The following KMO variants were observed in gnomAD, a reference collection of about 807,000 sequenced individuals.
KMO encodes the protein kynurenine 3-hydroxylase.
In KMO, 24 loss-of-function variants were observed where a neutral mutation model predicts 57.8. That is an observed-to-expected ratio of 0.42 (90% CI 0.30 to 0.58). KMO has a LOEUF of 0.58. Among genes scored for constraint, KMO ranks in the 20% least tolerant of loss-of-function variants. KMO has a pLI of 0.22. For synonymous variants in KMO, 210 were observed against 193.6 expected, an observed-to-expected ratio of 1.08 and a Z score of -0.70; for missense variants, 483 against 588.2, an observed-to-expected ratio of 0.82 and a Z score of 1.85.
chr1:241,535,500 T>C (rs2147936609), intron 1 of KMO, among the ~76,000 whole-genome samples: 1 of 152,320 alleles, frequency 6.6e-6, no homozygotes, highest in African/African-American at 2.4e-5. Context: ...TCTGATGTAG[T>C]GATCATCTGA....
chr1:241,588,160 T>C (rs79539255), intron 11 of KMO, among the ~76,000 whole-genome samples: 3 of 152,106 alleles, frequency 2.0e-5, no homozygotes, highest in African/African-American at 7.2e-5. Flanking sequence ...AACTTCAGAG[T>C]TGTGAACACT....
intron 11 of KMO, 148 bp from the exon 12 acceptor site, chr1:241,588,597 GTCA>G (rs34879227): frequency 0.16 from 92,179 of 577,092 alleles, 7,999 homozygotes; most frequent in East Asian, 0.22. Context: ...ATTGTCAATA[GTCA>G]TAGATTGTTG....
At chr1:241,548,702 G>T in intron 1 of KMO, 127 bp from the exon 2 acceptor site, 1 of 515,306 alleles carries the variant, frequency 1.9e-6, no homozygotes, top group Non-Finnish European at 3.4e-6. Context: ...AAATGAGGCT[G>T]GTAAAATATG....
At chr1:241,548,188 T>A (rs1661224110) in intron 1 of KMO, among the ~76,000 whole-genome samples, 1 of 152,014 alleles carries the variant, frequency 6.6e-6, no homozygotes, top group East Asian at 1.9e-4. Flanking sequence ...TCTAGCACTT[T>A]GAGAGGCCAA....
chr1:241,588,914 C>T (rs1663133803), intron 12 of KMO, 84 bp downstream of exon 12: 2 of 976,328 alleles, frequency 2.0e-6, no homozygotes, highest in Non-Finnish European at 1.6e-6. Context: ...TTGCTTCAGC[C>T]CCCATCTCAT....
At chr1:241,562,918 A>G (rs10616980) in intron 7 of KMO, among the ~76,000 whole-genome samples, 341 of 25,206 alleles carry the variant, frequency 0.014, 24 homozygotes, top group South Asian at 0.02. Context: ...AAGGAAGGAA[A>G]GAAGGAAGGA....
rs1214005389 is a variant in KMO, at chr1:241,592,393, A to C, written c.*240A>C. 1 of 509,882 alleles carries C rather than the reference A, an allele frequency of 2.0e-6. No homozygotes were observed. The highest frequency in any genetic ancestry group is 3.5e-6 in the Non-Finnish European group (1 of 282,522). The allele number at this position is 509,882 out of a possible 1,614,324, so 31.6% of individuals were successfully genotyped here. A position where few individuals can be genotyped will look rare whatever the true frequency, so the allele number is the denominator to read the frequency against. On this transcript the variant is annotated 3_prime_UTR_variant, in exon 15 of 15. Coordinates refer to ENST00000366559, the MANE Select transcript of KMO (RefSeq NM_003679.5). ...ACTCAGGTTGAGTCATTCTAACTATAAAAGTGCAATGACTAAGATCCTTCA... is the reference window on the plus strand; with the variant it reads ...ACTCAGGTTGAGTCATTCTAACTATCAAAGTGCAATGACTAAGATCCTTCA...
Position 241,588,733 on chromosome 1 carries a change from T to C in KMO, c.1016-15T>C. On this transcript the variant is annotated splice_polypyrimidine_tract_variant and intron_variant, in intron 11 of 14. Transcript: ENST00000366559. ...TTATAGAAGGTTTTGGAAAGATGTA[T>C]TATTTAACTTACAGGTTTGTGTCTT... 6.3e-7 allele frequency: 1 copy of C among 1,593,644 alleles called. No homozygotes were observed. Among genetic ancestry groups the C allele is most frequent in the Non-Finnish European group, 8.6e-7 (1 of 1,161,764 alleles).
At chr1:241,536,402 A>T in intron 1 of KMO, 1 of 472,918 alleles carries the variant, frequency 2.1e-6, no homozygotes, top group Non-Finnish European at 2.8e-6. Flanking sequence ...AGTGTCCTTA[A>T]TCCACATCTG....
At chr1:241,572,297 T>C (rs545219424) in intron 10 of KMO, among the ~76,000 whole-genome samples, 3 of 152,292 alleles carry the variant, frequency 2.0e-5, no homozygotes, top group South Asian at 4.1e-4. Context: ...TTCTTTATGA[T>C]TCAATCTTGG....
chr1:241,552,194 G>A (rs964541246), intron 4 of KMO, among the ~76,000 whole-genome samples: 2 of 115,928 alleles, frequency 1.7e-5, no homozygotes, highest in African/African-American at 6.4e-5. Context: ...GAGAGAGAGA[G>A]AGAGAAAGAG....
At chr1:241,542,199 T>C (rs1392725931) in intron 1 of KMO, among the ~76,000 whole-genome samples, 1 of 152,210 alleles carries the variant, frequency 6.6e-6, no homozygotes, top group Non-Finnish European at 1.5e-5. Context: ...GATCATTGGC[T>C]ACTTGAACAA....
chr1:241,538,167 A>C (rs1660814742), intron 1 of KMO, among the ~76,000 whole-genome samples: 1 of 151,970 alleles, frequency 6.6e-6, no homozygotes, highest in South Asian at 2.1e-4. Context: ...TGTTCAGAAA[A>C]TGGTGGCATT....
At chr1:241,562,010 TA>T in intron 6 of KMO, 156 bp from the exon 7 acceptor site, 1 of 620,332 alleles carries the variant, frequency 1.6e-6, no homozygotes, top group Non-Finnish European at 2.8e-6. Flanking sequence ...TGTTTTCATC[TA>T]AATGTTACAT....
At position 241,552,192 on chromosome 1, in the gene KMO, GAGAGAGAA is replaced by G. The variant is rs761624205; in HGVS notation, c.312+1153_312+1160del. Among the ~76,000 whole-genome samples, 638 of 111,460 alleles carry G rather than the reference GAGAGAGAA, an allele frequency of 5.7e-3. 5 individuals are homozygous for G. Among genetic ancestry groups the G allele is most frequent in the African/African-American group, 0.013 (403 of 30,980 alleles). The allele number at this position is 111,460 out of a possible 152,430, so 73.1% of individuals were successfully genotyped here. A position where few individuals can be genotyped will look rare whatever the true frequency, so the allele number is the denominator to read the frequency against. On this transcript the variant is annotated intron_variant, in intron 4 of 14. Transcript: ENST00000366559. ...AGTGTGTGTGAGAGAGAGAGAGAGA[GAGAGAGAA>G]AGAGCGTGCATACATTCCCCAAGAG...
chr1:241,569,665 A>G (rs887318888), intron 10 of KMO, among the ~76,000 whole-genome samples: 3 of 151,994 alleles, frequency 2.0e-5, no homozygotes, highest in Admixed American at 1.3e-4. Flanking sequence ...TTCTTTTTGC[A>G]TATTTACCCA....
chr1:241,549,168 A>AAG (rs1042240535), intron 2 of KMO, among the ~76,000 whole-genome samples: 1 of 149,812 alleles, frequency 6.7e-6, no homozygotes, highest in Non-Finnish European at 1.5e-5. Context: ...GACCCAAAGA[A>AAG]AGAGAGAGAA....
At chr1:241,542,445 T>C (rs1660991297) in intron 1 of KMO, among the ~76,000 whole-genome samples, 1 of 152,236 alleles carries the variant, frequency 6.6e-6, no homozygotes, top group African/African-American at 2.4e-5. Context: ...CCAAGGAATG[T>C]CCTCAAAGTC....
chr1:241,533,684 G>A (rs1038002848), intron 1 of KMO, among the ~76,000 whole-genome samples: 2 of 152,176 alleles, frequency 1.3e-5, no homozygotes, highest in South Asian at 2.1e-4. Context: ...GTAGGGATGC[G>A]AGGGTGAGAA....
Sources: allele counts gnomAD v4.1 joint callset (sites outside exome capture counted in the v4.1 genomes callset), GRCh38; gene constraint gnomAD v4.1.1; transcripts MANE v1.5; gene names NCBI Gene and HGNC (gene_info 2026-07-23, HGNC 2026-07-21).